LRRC9: variants seen among roughly 807,000 people sequenced by gnomAD.
LRRC9 encodes the protein leucine rich repeat containing 9.
LRRC9 carries 122 observed loss-of-function variants against 63.2 expected under a neutral mutation model. The observed-to-expected ratio is 1.93, with a 90% confidence interval of 1.67 to 2.24. The LOEUF is 2.24. Ranked by LOEUF, LRRC9 falls within the 30% of genes most tolerant of loss-of-function variation. The pLI is 0.00. For synonymous variants in LRRC9, 366 were observed against 213.1 expected (o/e 1.72, Z -6.25); for missense variants, 1,071 against 627.7 (o/e 1.71, Z -7.55).
chr14:60,006,464 G>T, exon 22 of LRRC9: 1 of 701,756 alleles, frequency 1.4e-6, no homozygotes, highest in Non-Finnish European at 2.6e-6. Flanking sequence ...GTTGGGAAGA[G>T]CATACCTTTG....
chr14:59,996,428 C>G (rs1325662157), intron 17 of LRRC9, among the ~76,000 whole-genome samples: 4 of 151,940 alleles, frequency 2.6e-5, no homozygotes, highest in African/African-American at 9.7e-5. Flanking sequence ...AGAATTATAC[C>G]TTATAAAGGA....
chr14:59,978,775 T>C (rs990357399), intron 15 of LRRC9, among the ~76,000 whole-genome samples: 5 of 152,208 alleles, frequency 3.3e-5, no homozygotes, highest in Non-Finnish European at 1.5e-5. Flanking sequence ...TATGGAAGTT[T>C]CTCTACAGGA....
rs1887534675 is a variant in LRRC9, at chr14:59,986,950, T to C, written c.2211+1726T>C. Among the ~76,000 whole-genome samples the C allele has an allele frequency of 6.6e-6, 1 of 152,136 alleles. No individual in the cohort carries two copies. The highest frequency in any genetic ancestry group is 1.5e-5 in the Non-Finnish European group (1 of 67,994). On this transcript the variant is annotated intron_variant, in intron 17 of 31. Coordinates refer to ENST00000445360, the Ensembl canonical transcript of LRRC9. This position sits in a 1 kb window ranked among gnomAD's most constrained non-coding sequence, Gnocchi z 4.7. ...AAGTCTCTAAAAATGACTCTAAGGA[T>C]ATTAGAGGTGGCCAGAGAGAGGAGA...
chr14:59,938,239 A>G lies in LRRC9; in HGVS notation c.544-151A>G. 1 of 460,972 alleles carries G rather than the reference A, an allele frequency of 2.2e-6. No individual in the cohort carries two copies. Among genetic ancestry groups the G allele is most frequent in the Non-Finnish European group, 3.8e-6 (1 of 263,590 alleles). The allele number at this position is 460,972 out of a possible 1,614,324, so 28.6% of individuals were successfully genotyped here. ...TTCTTCAGGAATTTAGCTTTTCAATAGAGAGAAACATTTTAGGCATCTAAA... is the reference window on the plus strand; with the variant it reads ...TTCTTCAGGAATTTAGCTTTTCAATGGAGAGAAACATTTTAGGCATCTAAA... On this transcript the variant is annotated intron_variant, in intron 6 of 31. Transcript: ENST00000445360. The surrounding 1 kb of genome is among the most constrained non-coding windows in gnomAD (Gnocchi z 4.2).
At chr14:60,022,649 T>C (rs982878864) in intron 26 of LRRC9, 85 bp from the exon 27 acceptor site, 2 of 435,718 alleles carry the variant, frequency 4.6e-6, no homozygotes, top group Middle Eastern at 3.3e-4. Context: ...CTTCAGTTTA[T>C]AGTAAACACA....
chr14:59,938,992 T>C lies in LRRC9; in HGVS notation c.726+420T>C, dbSNP rs2139827062. On this transcript the variant is annotated intron_variant, in intron 7 of 31. Transcript: ENST00000445360. The surrounding 1 kb of genome is among the most constrained non-coding windows in gnomAD (Gnocchi z 4.2). The stretch of plus-strand genomic sequence containing the variant: ...ATACATATATACATATATACACACA[T>C]ATATACATATACATATATACACATA... 7.1e-6 allele frequency among the ~76,000 whole-genome samples: 1 copy of C among 140,032 alleles called. No individual in the cohort carries two copies. The highest frequency in any genetic ancestry group is 2.3e-4 in the South Asian group (1 of 4,280). The allele number at this position is 140,032 out of a possible 152,430, so 91.9% of individuals were successfully genotyped here.
rs1231081956 is a variant in LRRC9, at chr14:59,990,179, G to A, written c.2211+4955G>A. On this transcript the variant is annotated intron_variant, in intron 17 of 31. Transcript: ENST00000445360. This position sits in a 1 kb window ranked among gnomAD's most constrained non-coding sequence, Gnocchi z 4.2. ...CGACTTCAGGTGATCTGCCCGCCTC[G>A]ACCTCCCAAAGTGCTGGGATTACAG... is the stretch of plus-strand genomic sequence containing the variant. Among the ~76,000 whole-genome samples, 1 of 151,964 alleles carries A rather than the reference G, an allele frequency of 6.6e-6. No homozygotes were observed. The highest frequency in any genetic ancestry group is 2.4e-5 in the African/African-American group (1 of 41,366).
rs1301932804 is a variant in LRRC9, at chr14:59,964,158, A to T, written c.1212-2431A>T. On this transcript the variant is annotated intron_variant, in intron 10 of 31. Coordinates refer to ENST00000445360, the Ensembl canonical transcript of LRRC9. The surrounding 1 kb of genome is among the most constrained non-coding windows in gnomAD (Gnocchi z 4.4). ...TGGAGAATATTGAATCCTCTACTGT[A>T]GGTGAAGAGTCTGAATGTAATTTGG... Among the ~76,000 whole-genome samples the T allele has an allele frequency of 6.6e-6, 1 of 152,238 alleles. No individual in the cohort carries two copies. The highest frequency in any genetic ancestry group is 1.5e-5 in the Non-Finnish European group (1 of 68,030).
At chr14:60,007,904 C>T (rs189816609) in intron 22 of LRRC9, among the ~76,000 whole-genome samples, 188 bp from the exon 23 acceptor site, 17 of 146,208 alleles carry the variant, frequency 1.2e-4, no homozygotes, top group Middle Eastern at 3.5e-3. Context: ...CAGACCACTG[C>T]ACTCCAGCCT....
chr14:59,959,618 C>T (rs1036685427), intron 8 of LRRC9, among the ~76,000 whole-genome samples, 200 bp from the exon 9 acceptor site: 4 of 152,166 alleles, frequency 2.6e-5, no homozygotes, highest in Non-Finnish European at 5.9e-5. Context: ...AACTGGCTGA[C>T]TGAATTTGCA....
intron 28 of LRRC9, among the ~76,000 whole-genome samples, chr14:60,028,372 G>A (rs1410844405): frequency 6.6e-6 from 1 of 152,040 alleles, no homozygotes; most frequent in Non-Finnish European, 1.5e-5. Flanking sequence ...TCCTCTCTGA[G>A]AGTTCTCATT....
chr14:60,020,624 C>T (rs1891047510), intron 26 of LRRC9, among the ~76,000 whole-genome samples: 1 of 151,926 alleles, frequency 6.6e-6, no homozygotes, highest in Admixed American at 6.6e-5. Flanking sequence ...TGTCCATTTA[C>T]AGTCAACTTC....
At position 59,942,727 on chromosome 14, in the gene LRRC9, CAA is replaced by C. The variant is rs893265483; in HGVS notation, c.727-1855_727-1854del. Among the ~76,000 whole-genome samples, 1 of 150,854 alleles carries C rather than the reference CAA, an allele frequency of 6.6e-6. No individual in the cohort carries two copies. Among genetic ancestry groups the C allele is most frequent in the African/African-American group, 2.4e-5 (1 of 41,164 alleles). On this transcript the variant is annotated intron_variant, in intron 7 of 31. Coordinates refer to ENST00000445360, the Ensembl canonical transcript of LRRC9. The surrounding 1 kb of genome is among the most constrained non-coding windows in gnomAD (Gnocchi z 5.3). Reference sequence around the variant, plus strand: ...TGGGTGACAGAGTGAGACTCCGTCTCAAAAAAAAGAGTTCCCTTTGCTCTGCA... The same window carrying C: ...TGGGTGACAGAGTGAGACTCCGTCTCAAAAAAGAGTTCCCTTTGCTCTGCA...
chr14:59,982,274 T>C (rs1026787469), intron 16 of LRRC9, among the ~76,000 whole-genome samples: 4 of 152,230 alleles, frequency 2.6e-5, no homozygotes, highest in African/African-American at 9.6e-5. Context: ...ACTTCTCTAG[T>C]AGCTATGTTT....
intron 16 of LRRC9, among the ~76,000 whole-genome samples, chr14:59,984,429 T>A (rs1451094196): frequency 6.6e-6 from 1 of 152,188 alleles, no homozygotes; most frequent in Non-Finnish European, 1.5e-5. Flanking sequence ...TTGCAAGCTA[T>A]ACATAAATAC....
intron 17 of LRRC9, among the ~76,000 whole-genome samples, chr14:59,996,805 A>G (rs369998715): frequency 1.3e-5 from 2 of 152,196 alleles, no homozygotes; most frequent in South Asian, 4.1e-4. Context: ...AAGTCTAAGA[A>G]CCAGTGATCC....
intron 10 of LRRC9, among the ~76,000 whole-genome samples, chr14:59,965,627 TGTAATCCCAGC>T (rs1645605886): frequency 6.6e-6 from 1 of 151,760 alleles, no homozygotes; most frequent in Non-Finnish European, 1.5e-5. Flanking sequence ...GGCTCACGCC[TGTAATCCCAGC>T]ACTGGGAGGC....
Position 59,977,364 on chromosome 14 carries a change from GA to G in LRRC9, c.1762+18del. ...ATTTACTAAGTATGTCTATCATAAA[GA>G]TTAATGTGGTTTTATCTCTCTGAAT... On this transcript the variant is annotated intron_variant, in intron 14 of 31. Coordinates refer to ENST00000445360, the Ensembl canonical transcript of LRRC9. 1 of 664,488 alleles carries G rather than the reference GA, an allele frequency of 1.5e-6. No individual in the cohort carries two copies. The highest frequency in any genetic ancestry group is 2.7e-5 in the East Asian group (1 of 36,410). The allele number at this position is 664,488 out of a possible 1,614,324, so 41.2% of individuals were successfully genotyped here.
intron 14 of LRRC9, 89 bp downstream of exon 14, chr14:59,977,436 C>T: frequency 1.8e-6 from 1 of 545,374 alleles, no homozygotes; most frequent in Non-Finnish European, 3.2e-6. Flanking sequence ...TTTATTTCTA[C>T]TTAACAAAGT....
Sources: allele counts gnomAD v4.1 joint callset (sites outside exome capture counted in the v4.1 genomes callset), GRCh38; gene constraint gnomAD v4.1.1; non-coding constraint Gnocchi (gnomAD v3.1); transcripts MANE v1.5; gene names NCBI Gene and HGNC (gene_info 2026-07-23, HGNC 2026-07-21).